VAMP4: variants seen among roughly 807,000 people sequenced by gnomAD.
VAMP4 encodes the protein vesicle associated membrane protein 4.
A neutral mutation model predicts 23.5 loss-of-function variants in VAMP4; 19 were observed. That is an observed-to-expected ratio of 0.81 (90% CI 0.56 to 1.19). The LOEUF is 1.19. VAMP4 is among the 50% of genes most tolerant of loss of function. VAMP4 has a pLI of 0.00. For synonymous variants in VAMP4, 31 were observed against 51.0 expected, an observed-to-expected ratio of 0.61 and a Z score of 1.67; for missense variants, 145 against 168.6, an observed-to-expected ratio of 0.86 and a Z score of 0.78.
chr1:171,734,990 C>T (rs1655692029), intron 2 of VAMP4, among the ~76,000 whole-genome samples: 1 of 152,114 alleles, frequency 6.6e-6, no homozygotes, highest in Non-Finnish European at 1.5e-5. Flanking sequence ...GCTTTATGTA[C>T]TATTTAATCT....
intron 4 of VAMP4, among the ~76,000 whole-genome samples, chr1:171,716,222 G>A (rs1655019251): frequency 6.6e-6 from 1 of 152,044 alleles, no homozygotes; most frequent in African/African-American, 2.4e-5. Flanking sequence ...ACTATAATTG[G>A]GAGATTCCCT....
intron 4 of VAMP4, among the ~76,000 whole-genome samples, chr1:171,715,141 C>T (rs146769823): frequency 1.8e-3 from 275 of 152,174 alleles, no homozygotes; most frequent in African/African-American, 6.4e-3. Flanking sequence ...GAGTAGACAA[C>T]TCCTAGATTT....
intron 4 of VAMP4, among the ~76,000 whole-genome samples, chr1:171,713,810 G>A (rs1654930551): frequency 6.6e-6 from 1 of 152,056 alleles, no homozygotes; most frequent in African/African-American, 2.4e-5. Context: ...TTCAGCCTTA[G>A]CAATAGAGAT....
At position 171,733,656 on chromosome 1, in the gene VAMP4, A is replaced by G. The variant is rs973465831; in HGVS notation, c.66+4693T>C. The stretch of plus-strand genomic sequence containing the variant: ...ATAGGACACAATGAGATAATATTTC[A>G]TACCCACTAGGCAGATAATATTAAG... On this transcript the variant is annotated intron_variant, in intron 2 of 7. Transcript: ENST00000236192. Among the ~76,000 whole-genome samples the G allele has an allele frequency of 2.0e-5, 3 of 152,356 alleles. No homozygotes were observed. The East Asian group carries it at 5.8e-4, about 29-fold the overall frequency.
chr1:171,711,272 C>A (rs993148369), intron 4 of VAMP4, among the ~76,000 whole-genome samples: 1 of 152,018 alleles, frequency 6.6e-6, no homozygotes, highest in African/African-American at 2.4e-5. Flanking sequence ...ACCTTTTGCT[C>A]AGGTAAGGTA....
intron 4 of VAMP4, among the ~76,000 whole-genome samples, chr1:171,711,782 T>G (rs1475065188): frequency 6.6e-6 from 1 of 152,184 alleles, no homozygotes; most frequent in Non-Finnish European, 1.5e-5. Flanking sequence ...AAACACTGTT[T>G]AAAGTGCATT....
Position 171,723,743 on chromosome 1 carries a change from C to T in VAMP4, c.114-4522G>A, listed in dbSNP as rs149023610. 7.5e-3 allele frequency among the ~76,000 whole-genome samples: 1,134 copies of T among 152,076 alleles called. 15 individuals are homozygous for T. The highest frequency in any genetic ancestry group is 0.026 in the African/African-American group (1,071 of 41,452). On this transcript the variant is annotated intron_variant, in intron 3 of 7. Transcript: ENST00000236192. Reference sequence around the variant, plus strand: ...ATACATCCTCAGCTTACGAAGATGACGGGATTAAGAGATTAAAGTAAAGAC... The same window carrying T: ...ATACATCCTCAGCTTACGAAGATGATGGGATTAAGAGATTAAAGTAAAGAC...
chr1:171,734,971 T>C (rs934904387), intron 2 of VAMP4, among the ~76,000 whole-genome samples: 5 of 152,220 alleles, frequency 3.3e-5, no homozygotes, highest in African/African-American at 7.2e-5. Flanking sequence ...GCCCTTGTTA[T>C]TAGGGTGGGC....
At position 171,703,032 on chromosome 1, in the gene VAMP4, CTTTA is replaced by C. The variant is rs1436854502; in HGVS notation, c.*1470_*1473del. On this transcript the variant is annotated 3_prime_UTR_variant, in exon 8 of 8. Transcript: ENST00000236192. ...AAAAACACCAAACCCAGATTCTATGCTTTATTCATTTTGCATTAAGATGACCAAA... is the reference window on the plus strand; with the variant it reads ...AAAAACACCAAACCCAGATTCTATGCTTCATTTTGCATTAAGATGACCAAA... 1.3e-5 allele frequency: 2 copies of C among 151,798 alleles called. No homozygotes were observed. The highest frequency in any genetic ancestry group is 2.9e-5 in the Non-Finnish European group (2 of 67,818). 9.4% of individuals were successfully genotyped at this position (151,798 alleles called of 1,614,324 possible).
chr1:171,726,731 T>C (rs1397144608), intron 3 of VAMP4, among the ~76,000 whole-genome samples: 1 of 151,886 alleles, frequency 6.6e-6, no homozygotes, highest in East Asian at 1.9e-4. Flanking sequence ...CAGGTAAAAA[T>C]CTTAGTGACC....
intron 4 of VAMP4, among the ~76,000 whole-genome samples, chr1:171,717,510 G>A (rs1465896446): frequency 6.6e-6 from 1 of 152,104 alleles, no homozygotes; most frequent in African/African-American, 2.4e-5. Flanking sequence ...TTCTGATGCG[G>A]TATAAACTTT....
rs1654383026 is a variant in VAMP4 at position 171,700,203 on chromosome 1, A to C, written c.*4303T>G. On this transcript the variant is annotated 3_prime_UTR_variant, in exon 8 of 8. Transcript: ENST00000236192. ...TAGTTTATTTCATTGTTCACTATGG[A>C]GGGGCTACAAATACACTTCTGATAT... 1 of 152,144 alleles carries C rather than the reference A, an allele frequency of 6.6e-6. No individual in the cohort carries two copies. The highest frequency in any genetic ancestry group is 2.4e-5 in the African/African-American group (1 of 41,434). The allele number at this position is 152,144 out of a possible 1,614,324, so 9.4% of individuals were successfully genotyped here.
At chr1:171,707,963 T>C (rs1654712705) in intron 6 of VAMP4, among the ~76,000 whole-genome samples, 2 of 152,112 alleles carry the variant, frequency 1.3e-5, no homozygotes, top group South Asian at 4.1e-4. Flanking sequence ...ATGGACTTTT[T>C]GTTTTTCTAA....
chr1:171,716,386 C>T (rs1473200243), intron 4 of VAMP4, among the ~76,000 whole-genome samples: 2 of 152,154 alleles, frequency 1.3e-5, no homozygotes, highest in South Asian at 4.1e-4. Context: ...TGACTCCATT[C>T]CTTTGGAGCT....
At chr1:171,706,330 T>G in intron 7 of VAMP4, 37 bp downstream of exon 7, 1 of 1,571,226 alleles carries the variant, frequency 6.4e-7, no homozygotes, top group Non-Finnish European at 8.6e-7. Flanking sequence ...CCAAAATAAA[T>G]GATACCCTAG....
intron 4 of VAMP4, 97 bp from the exon 5 acceptor site, chr1:171,710,911 C>G (rs1654828812): frequency 1.2e-6 from 1 of 837,532 alleles, no homozygotes; most frequent in Non-Finnish European, 1.8e-6. Context: ...AGCAAATTCT[C>G]AGAGAATTAT....
At chr1:171,713,911 ATTCTTACTAGAG>A (rs1456237606) in intron 4 of VAMP4, among the ~76,000 whole-genome samples, 2 of 152,214 alleles carry the variant, frequency 1.3e-5, no homozygotes, top group Admixed American at 1.3e-4. Context: ...AAAATTCTAG[ATTCTTACTAGAG>A]TATCATAAAC....
intron 3 of VAMP4, among the ~76,000 whole-genome samples, chr1:171,721,413 T>C (rs1157572172): frequency 1.3e-5 from 2 of 152,170 alleles, no homozygotes; most frequent in East Asian, 3.8e-4. Flanking sequence ...TCCAGTAGGA[T>C]ATATAAAAAC....
At chr1:171,705,016 T>C (rs1654606252) in intron 7 of VAMP4, among the ~76,000 whole-genome samples, 1 of 152,056 alleles carries the variant, frequency 6.6e-6, no homozygotes, top group Admixed American at 6.6e-5. Context: ...TATATATACA[T>C]GATTGATTCT....
Sources: gnomAD v4.1 joint callset for allele counts (sites outside exome capture counted in the v4.1 genomes callset) on GRCh38, gnomAD v4.1.1 for gene constraint, MANE v1.5 for transcripts, NCBI Gene and HGNC (gene_info 2026-07-23, HGNC 2026-07-21) for gene names.